Variants in PAX5 observed in about 807,000 individuals in gnomAD.
PAX5 encodes paired box protein Pax-5.
A neutral mutation model predicts 43.7 loss-of-function variants in PAX5; 9 were observed. That is an observed-to-expected ratio of 0.21 (90% CI 0.12 to 0.36). PAX5 has a LOEUF of 0.36. Ranked by LOEUF, PAX5 falls within the 10% of genes least tolerant of loss-of-function variation. PAX5 has a pLI of 1.00. For synonymous variants in PAX5, 228 were observed against 214.3 expected, an observed-to-expected ratio of 1.06 and a Z score of -0.56; for missense variants, 383 against 532.7, an observed-to-expected ratio of 0.72 and a Z score of 2.77.
intron 2 of PAX5, among the ~76,000 whole-genome samples, chr9:37,016,121 G>A (rs1251433063): frequency 6.6e-6 from 1 of 152,100 alleles, no homozygotes; most frequent in Non-Finnish European, 1.5e-5. Flanking sequence ...GTTTTCCTAG[G>A]GTCACACAAG....
chr9:36,971,733 G>A (rs1834940531), intron 5 of PAX5, among the ~76,000 whole-genome samples: 1 of 152,158 alleles, frequency 6.6e-6, no homozygotes, highest in African/African-American at 2.4e-5. Flanking sequence ...GGGGAGCAAG[G>A]GGCAGGAAGC....
chr9:36,921,554 T>C (rs543917604), intron 7 of PAX5, among the ~76,000 whole-genome samples: 47 of 152,286 alleles, frequency 3.1e-4, no homozygotes, highest in African/African-American at 1.1e-3. Context: ...CAAGCCTCAG[T>C]TTCTCTATTT....
chr9:36,872,499 A>G (rs1280066730), intron 8 of PAX5, among the ~76,000 whole-genome samples: 1 of 152,150 alleles, frequency 6.6e-6, no homozygotes, highest in African/African-American at 2.4e-5. Flanking sequence ...GGGAGTCCCA[A>G]GGTCATGTCT....
intron 7 of PAX5, among the ~76,000 whole-genome samples, chr9:36,894,048 T>C (rs1012323400): frequency 5.9e-5 from 9 of 152,124 alleles, no homozygotes; most frequent in African/African-American, 1.7e-4. Context: ...CTCCAGGAGG[T>C]TGGTTGCTGA....
chr9:37,032,080 T>C (rs1841039805), intron 1 of PAX5, among the ~76,000 whole-genome samples: 1 of 152,172 alleles, frequency 6.6e-6, no homozygotes, highest in South Asian at 2.1e-4. Context: ...CAGGCAGCTC[T>C]TCCCCAACCC....
intron 6 of PAX5, among the ~76,000 whole-genome samples, chr9:36,955,670 C>G: frequency 6.6e-6 from 1 of 151,802 alleles, no homozygotes; most frequent in East Asian, 1.9e-4. Context: ...TATTGAGAAC[C>G]CATACCCTGG....
At chr9:36,843,192 A>G (rs1056185080) in intron 9 of PAX5, among the ~76,000 whole-genome samples, 3 of 151,972 alleles carry the variant, frequency 2.0e-5, no homozygotes, top group Non-Finnish European at 2.9e-5. Context: ...CACCAATCTA[A>G]CAGGAGCACC....
intron 6 of PAX5, among the ~76,000 whole-genome samples, chr9:36,950,522 A>G (rs534374300): frequency 5.9e-5 from 9 of 151,996 alleles, no homozygotes; most frequent in Admixed American, 3.9e-4. Context: ...CACACCAGAC[A>G]CTCTCAGCGA....
chr9:36,959,507 C>T (rs552985888), intron 6 of PAX5, among the ~76,000 whole-genome samples: 210 of 152,300 alleles, frequency 1.4e-3, no homozygotes, highest in Middle Eastern at 0.01. Context: ...TTGCCTCTTC[C>T]GCACAAACTC....
Position 37,034,085 on chromosome 9 carries a change from TGC to T in PAX5, c.-56_-55del. 7.6e-6 allele frequency: 6 copies of T among 793,890 alleles called. No individual in the cohort carries two copies. In the South Asian group the frequency reaches 9.7e-5, roughly 13 times the overall value. The allele number at this position is 793,890 out of a possible 1,614,324, so 49.2% of individuals were successfully genotyped here. A position where few individuals can be genotyped will look rare whatever the true frequency, so the allele number is the denominator to read the frequency against. On this transcript the variant is annotated 5_prime_UTR_variant, in exon 1 of 10. Coordinates refer to ENST00000358127, the MANE Select transcript of PAX5 (RefSeq NM_016734.3). ...ACAGGGAAAAGTTTCCACTTTTTTG[TGC>T]CTTTTTTTTTCTTTTTTTTTTTTTT...
intron 8 of PAX5, among the ~76,000 whole-genome samples, chr9:36,869,915 G>GATAA: frequency 7.3e-6 from 1 of 136,096 alleles, no homozygotes; most frequent in Admixed American, 7.2e-5. Flanking sequence ...TGGATGGATG[G>GATAA]ATGGATGGAT....
chr9:36,948,420 T>C (rs1273593887), intron 6 of PAX5, among the ~76,000 whole-genome samples: 2 of 152,196 alleles, frequency 1.3e-5, no homozygotes, highest in African/African-American at 4.8e-5. Flanking sequence ...TTGAGGCAGA[T>C]CTGGGAGACC....
chr9:37,020,534 A>G (rs1839766747), intron 2 of PAX5, 102 bp downstream of exon 2: 5 of 1,220,932 alleles, frequency 4.1e-6, no homozygotes, highest in Middle Eastern at 2.2e-4. Context: ...ACAAAATGCC[A>G]CCATGATTCT....
intron 1 of PAX5, among the ~76,000 whole-genome samples, chr9:37,026,123 C>A (rs1218249414): frequency 1.3e-5 from 2 of 152,246 alleles, no homozygotes; most frequent in Non-Finnish European, 2.9e-5. Flanking sequence ...TCTGGATCAG[C>A]CCCATGGCTG....
At chr9:36,956,351 G>A (rs775578272) in intron 6 of PAX5, among the ~76,000 whole-genome samples, 1 of 152,228 alleles carries the variant, frequency 6.6e-6, no homozygotes, top group East Asian at 1.9e-4. Context: ...ATCAAAAAGA[G>A]TGGAACAGAC....
intron 8 of PAX5, among the ~76,000 whole-genome samples, chr9:36,855,522 C>T (rs908716721): frequency 4.6e-5 from 7 of 152,164 alleles, no homozygotes; most frequent in Non-Finnish European, 8.8e-5. Context: ...TGAAGCCTCA[C>T]TAGGGTGCAA....
intron 8 of PAX5, among the ~76,000 whole-genome samples, chr9:36,870,115 A>G (rs200743634): frequency 4.8e-3 from 52 of 10,722 alleles, no homozygotes; most frequent in African/African-American, 8.1e-3. Context: ...TGGATGGATA[A>G]ATGGATGGAT....
rs74719756 is a variant in PAX5, at chr9:36,898,537, C to A, written c.911-16432G>T. 1.3e-5 allele frequency among the ~76,000 whole-genome samples: 2 copies of A among 152,308 alleles called. 1 individual carries two copies. The highest frequency in any genetic ancestry group is 1.3e-4 in the Admixed American group (2 of 15,298). ...CCATCCCCACCAAATTGAAGCTCACCGGGCAGGAGGACTAGGAGAATTAAA... is the reference window on the plus strand; with the variant it reads ...CCATCCCCACCAAATTGAAGCTCACAGGGCAGGAGGACTAGGAGAATTAAA... On this transcript the variant is annotated intron_variant, in intron 7 of 9. Transcript: ENST00000358127.
chr9:36,999,123 A>T (rs1368562047), intron 5 of PAX5, among the ~76,000 whole-genome samples: 1 of 152,158 alleles, frequency 6.6e-6, no homozygotes, highest in Non-Finnish European at 1.5e-5. Flanking sequence ...ATGCTTCTAG[A>T]CTAAATGTTC....
Sources: gnomAD v4.1 joint callset for allele counts (sites outside exome capture counted in the v4.1 genomes callset) on GRCh38, gnomAD v4.1.1 for gene constraint, MANE v1.5 for transcripts, NCBI Gene and HGNC (gene_info 2026-07-23, HGNC 2026-07-21) for gene names.